GRIN2A: variants seen among roughly 807,000 people sequenced by gnomAD.
GRIN2A encodes the protein glutamate receptor ionotropic, NMDA 2A.
In GRIN2A, 22 loss-of-function variants were observed where a neutral mutation model predicts 113.4. That is an observed-to-expected ratio of 0.19 (90% CI 0.14 to 0.28). The LOEUF (loss-of-function observed/expected upper bound fraction) is 0.28. GRIN2A is among the 10% of genes least tolerant of loss of function. GRIN2A has a pLI of 1.00. For synonymous variants in GRIN2A, 827 were observed against 738.4 expected (o/e 1.12, Z -1.94); for missense variants, 1,502 against 1,887.0 (o/e 0.80, Z 3.78).
intron 2 of GRIN2A, among the ~76,000 whole-genome samples, chr16:10,148,533 G>A (rs936585344): frequency 2.0e-5 from 3 of 152,290 alleles, no homozygotes; most frequent in Admixed American, 2.0e-4. Context: ...CAACCTGTTT[G>A]ATATCTGCTT....
chr16:10,051,495 G>C (rs1251854005), intron 2 of GRIN2A, among the ~76,000 whole-genome samples: 1 of 152,190 alleles, frequency 6.6e-6, no homozygotes, highest in African/African-American at 2.4e-5. Context: ...ATAAATATTT[G>C]TTGAGTGAAT....
At chr16:10,158,435 T>A (rs1050150613) in intron 2 of GRIN2A, among the ~76,000 whole-genome samples, 2 of 152,184 alleles carry the variant, frequency 1.3e-5, no homozygotes, top group Admixed American at 1.3e-4. Flanking sequence ...TCCAAAAGAA[T>A]TGAAAACAGG....
chr16:10,170,749 C>T (rs116112473), intron 2 of GRIN2A, among the ~76,000 whole-genome samples: 246 of 152,166 alleles, frequency 1.6e-3, no homozygotes, highest in African/African-American at 5.8e-3. Flanking sequence ...TCATGGCACA[C>T]GCCTGTGTTC....
At chr16:10,123,903 G>A (rs2048878668) in intron 2 of GRIN2A, among the ~76,000 whole-genome samples, 2 of 152,190 alleles carry the variant, frequency 1.3e-5, no homozygotes, top group Non-Finnish European at 2.9e-5. Flanking sequence ...TGCTCCGTGG[G>A]TTACAGAAAG....
rs1401850225 is a variant in GRIN2A, at chr16:10,036,456, T to C, written c.415-97905A>G. Among the ~76,000 whole-genome samples the C allele has an allele frequency of 5.5e-3, 360 of 64,894 alleles. 4 individuals are homozygous for C. Among genetic ancestry groups the C allele is most frequent in the South Asian group, 0.019 (20 of 1,070 alleles). The allele number at this position is 64,894 out of a possible 152,430, so 42.6% of individuals were successfully genotyped here. ...TACTTACTTTTTTTTTTTCTTTTTT[T>C]TTTTTTTTTTTTTTTTTTTTGAGAT... On this transcript the variant is annotated intron_variant, in intron 2 of 12. Coordinates refer to ENST00000330684, the MANE Select transcript of GRIN2A (RefSeq NM_001134407.3).
intron 3 of GRIN2A, among the ~76,000 whole-genome samples, chr16:9,931,299 A>AAG (rs2044588543): frequency 6.6e-6 from 1 of 152,154 alleles, no homozygotes; most frequent in Admixed American, 6.6e-5. Flanking sequence ...AACAAGTATA[A>AAG]AGTTATAATA....
At chr16:10,015,290 G>GA (rs1567235202) in intron 2 of GRIN2A, among the ~76,000 whole-genome samples, 3 of 81,394 alleles carry the variant, frequency 3.7e-5, no homozygotes, top group African/African-American at 9.3e-5. Context: ...AAAAGAAAAA[G>GA]AAAGGAAAGG....
chr16:9,815,021 CAAAAAAAA>C (rs60827287), intron 10 of GRIN2A, among the ~76,000 whole-genome samples: 2 of 76,340 alleles, frequency 2.6e-5, no homozygotes, highest in South Asian at 5.2e-4. Context: ...AACTCCGTTT[CAAAAAAAA>C]AAAAAAAAAA....
intron 2 of GRIN2A, among the ~76,000 whole-genome samples, chr16:10,103,211 G>A (rs7204412): frequency 0.41 from 61,600 of 151,954 alleles, 12,640 homozygotes; most frequent in East Asian, 0.46. Flanking sequence ...CTTGTCCAAA[G>A]ACATACATCT....
At chr16:10,168,790 A>T (rs2049976559) in intron 2 of GRIN2A, among the ~76,000 whole-genome samples, 1 of 151,856 alleles carries the variant, frequency 6.6e-6, no homozygotes, top group Non-Finnish European at 1.5e-5. Context: ...ACATGGTAAA[A>T]CCCCATCTCT....
intron 2 of GRIN2A, among the ~76,000 whole-genome samples, chr16:10,040,872 C>A (rs955540180): frequency 6.6e-6 from 1 of 152,212 alleles, no homozygotes; most frequent in African/African-American, 2.4e-5. Context: ...TGCCGATGAG[C>A]CGTCGTATCT....
intron 2 of GRIN2A, among the ~76,000 whole-genome samples, chr16:10,100,690 TTA>T (rs1367657215): frequency 5.3e-5 from 8 of 152,212 alleles, no homozygotes; most frequent in African/African-American, 1.9e-4. Flanking sequence ...CTGTGCAGCT[TTA>T]TGTTATTTGA....
chr16:9,828,150 C>A (rs1035580487), intron 9 of GRIN2A, among the ~76,000 whole-genome samples: 1 of 152,082 alleles, frequency 6.6e-6, no homozygotes, highest in Middle Eastern at 3.2e-3. Context: ...AGGCAGAGGG[C>A]CTAAGAGGCA....
intron 2 of GRIN2A, among the ~76,000 whole-genome samples, chr16:10,128,027 C>T (rs1171945162): frequency 6.6e-6 from 1 of 152,154 alleles, no homozygotes. Context: ...CATATAAGAA[C>T]TCAACAGCAG....
intron 2 of GRIN2A, among the ~76,000 whole-genome samples, chr16:10,108,693 A>G (rs73512755): frequency 0.066 from 9,979 of 152,214 alleles, 721 homozygotes; most frequent in African/African-American, 0.18. Context: ...CTTAACCACT[A>G]TAGATACTGC....
intron 2 of GRIN2A, among the ~76,000 whole-genome samples, chr16:10,103,679 C>T (rs1044377486): frequency 2.6e-5 from 4 of 152,096 alleles, no homozygotes; most frequent in Non-Finnish European, 5.9e-5. Flanking sequence ...AATCCCTGCC[C>T]CTGACATGTT....
chr16:9,896,604 A>T (rs961803593), intron 3 of GRIN2A, among the ~76,000 whole-genome samples: 1 of 152,178 alleles, frequency 6.6e-6, no homozygotes, highest in Non-Finnish European at 1.5e-5. Flanking sequence ...AAGATTCAAT[A>T]TTCTGGGTGA....
chr16:9,820,461 A>G (rs983275825), intron 10 of GRIN2A, among the ~76,000 whole-genome samples: 1 of 152,250 alleles, frequency 6.6e-6, no homozygotes, highest in Non-Finnish European at 1.5e-5. Flanking sequence ...ACCAACAGAA[A>G]TGCGCTCACT....
intron 2 of GRIN2A, among the ~76,000 whole-genome samples, chr16:9,962,627 G>A (rs2045465459): frequency 6.6e-6 from 1 of 152,140 alleles, no homozygotes; most frequent in South Asian, 2.1e-4. Flanking sequence ...GTGCTGGAGA[G>A]GATGTGGAGA....
Sources: allele counts gnomAD v4.1 joint callset (sites outside exome capture counted in the v4.1 genomes callset), GRCh38; gene constraint gnomAD v4.1.1; transcripts MANE v1.5; gene names NCBI Gene and HGNC (gene_info 2026-07-23, HGNC 2026-07-21).